The following SORCS1 variants were observed in gnomAD, a reference collection of about 807,000 sequenced individuals.
SORCS1 encodes the protein VPS10 domain-containing receptor SorCS1.
SORCS1 carries 60 observed loss-of-function variants against 146.1 expected under a neutral mutation model. The ratio of observed to expected loss-of-function variants is 0.41; its 90% CI spans 0.33 to 0.51. The LOEUF is 0.51. Ranked by LOEUF, SORCS1 falls within the 20% of genes least tolerant of loss-of-function variation. The probability of loss-of-function intolerance (pLI) is 0.21; values close to 1 mark genes in which losing one functional copy is unlikely to be tolerated. For synonymous variants in SORCS1, 637 were observed against 584.0 expected (o/e 1.09, Z -1.31); for missense variants, 1,352 against 1,487.6 (o/e 0.91, Z 1.50).
intron 1 of SORCS1, among the ~76,000 whole-genome samples, chr10:107,012,976 T>C (rs1957750176): frequency 6.6e-6 from 1 of 152,188 alleles, no homozygotes; most frequent in Non-Finnish European, 1.5e-5. Context: ...ACCTCCTTAA[T>C]GCCACTTCAT....
chr10:107,039,426 C>T (rs139128403), intron 1 of SORCS1, among the ~76,000 whole-genome samples: 1 of 151,862 alleles, frequency 6.6e-6, no homozygotes, highest in East Asian at 1.9e-4. Flanking sequence ...CTTGTCTGTC[C>T]TGTAGAAACT....
At chr10:106,587,115 G>T (rs554496681) in intron 24 of SORCS1, among the ~76,000 whole-genome samples, 1 of 152,190 alleles carries the variant, frequency 6.6e-6, no homozygotes, top group Non-Finnish European at 1.5e-5. Context: ...ATGAAAAGCC[G>T]CTGGGTCTAT....
At chr10:107,144,997 A>C (rs1271670266) in intron 1 of SORCS1, among the ~76,000 whole-genome samples, 3 of 152,232 alleles carry the variant, frequency 2.0e-5, no homozygotes, top group Non-Finnish European at 2.9e-5. Flanking sequence ...AGCCATCAGG[A>C]TGCATGGTGC....
intron 2 of SORCS1, among the ~76,000 whole-genome samples, chr10:106,905,793 T>C (rs1951884432): frequency 6.6e-6 from 1 of 152,204 alleles, no homozygotes; most frequent in Non-Finnish European, 1.5e-5. Flanking sequence ...TGTATGTATA[T>C]CAGAATGATA....
intron 1 of SORCS1, among the ~76,000 whole-genome samples, chr10:106,990,949 G>A (rs925200064): frequency 6.6e-6 from 1 of 152,264 alleles, no homozygotes; most frequent in Non-Finnish European, 1.5e-5. Flanking sequence ...TTATAATGCA[G>A]CTAAAATAAT....
intron 6 of SORCS1, among the ~76,000 whole-genome samples, chr10:106,718,657 C>T (rs1473696640): frequency 6.6e-6 from 1 of 152,216 alleles, no homozygotes; most frequent in Non-Finnish European, 1.5e-5. Context: ...GCTGGGGTGG[C>T]CAGCTTTTAT....
chr10:106,800,119 C>T (rs1589908794), intron 3 of SORCS1, among the ~76,000 whole-genome samples: 3 of 152,114 alleles, frequency 2.0e-5, no homozygotes, highest in East Asian at 1.9e-4. Context: ...GATTTTGATG[C>T]ACTGCTACAG....
intron 1 of SORCS1, among the ~76,000 whole-genome samples, chr10:107,005,279 G>A (rs1053807412): frequency 6.6e-6 from 1 of 150,988 alleles, no homozygotes; most frequent in Non-Finnish European, 1.5e-5. Context: ...AGCTATGATT[G>A]TGCCACTGTA....
In SORCS1 at chr10:106,581,021, C is replaced by T. The variant is rs1025615575; in HGVS notation, c.3266-1547G>A. On this transcript the variant is annotated intron_variant, in intron 24 of 25. Transcript: ENST00000263054. ...TGGGTGGGGTCCCACTGCCGTGGAA[C>T]GCCCAAGGCAAATTTTCTTTTGGTT... Among the ~76,000 whole-genome samples the T allele has an allele frequency of 7.9e-5, 12 of 152,238 alleles. No individual in the cohort carries two copies. The South Asian group carries it at 1.5e-3, about 18-fold the overall frequency.
intron 20 of SORCS1, 131 bp downstream of exon 20, chr10:106,620,297 G>A (rs1847653427): frequency 8.6e-7 from 1 of 1,160,992 alleles, no homozygotes; most frequent in East Asian, 2.6e-5. Context: ...GAGCACCAAG[G>A]GAGCTTGTTG....
intron 2 of SORCS1, among the ~76,000 whole-genome samples, chr10:106,886,897 G>A (rs752027196): frequency 6.6e-6 from 1 of 152,206 alleles, no homozygotes; most frequent in Non-Finnish European, 1.5e-5. Context: ...TATTTATTAA[G>A]CTATCATGTG....
At chr10:106,736,881 A>G (rs1856986155) in intron 5 of SORCS1, among the ~76,000 whole-genome samples, 1 of 152,186 alleles carries the variant, frequency 6.6e-6, no homozygotes. Context: ...ATAGATAAAC[A>G]GACAGATAAA....
At chr10:107,081,423 A>G (rs1451828719) in intron 1 of SORCS1, among the ~76,000 whole-genome samples, 1 of 152,152 alleles carries the variant, frequency 6.6e-6, no homozygotes, top group Non-Finnish European at 1.5e-5. Flanking sequence ...ACTATACTAA[A>G]CCATTGTTGC....
chr10:106,812,486 A>C (rs1031812047), intron 3 of SORCS1, among the ~76,000 whole-genome samples: 4 of 152,222 alleles, frequency 2.6e-5, no homozygotes, highest in Non-Finnish European at 5.9e-5. Flanking sequence ...CACTTAGCTC[A>C]AAAGGCAAAG....
intron 1 of SORCS1, among the ~76,000 whole-genome samples, chr10:106,962,341 G>A (rs1464661013): frequency 8.2e-6 from 1 of 121,622 alleles, no homozygotes; most frequent in African/African-American, 3.3e-5. Flanking sequence ...GTTGTGGTGA[G>A]CCAAATCGCA....
chr10:107,047,916 A>C (rs1959665042), intron 1 of SORCS1, among the ~76,000 whole-genome samples: 1 of 148,600 alleles, frequency 6.7e-6, no homozygotes, highest in South Asian at 2.1e-4. Context: ...CCCTGTCTCT[A>C]AAAAAAAAAT....
chr10:106,583,204 T>G (rs900644845), intron 24 of SORCS1, among the ~76,000 whole-genome samples: 2 of 152,216 alleles, frequency 1.3e-5, no homozygotes, highest in African/African-American at 4.8e-5. Context: ...GTCATATTAT[T>G]GCTATCATAT....
intron 4 of SORCS1, among the ~76,000 whole-genome samples, chr10:106,770,966 C>T (rs144645159): frequency 2.4e-3 from 360 of 152,346 alleles, no homozygotes; most frequent in Non-Finnish European, 4.6e-3. Context: ...CCTTCCTGCT[C>T]CTGGTAAGGG....
chr10:107,009,644 T>C (rs1017766061), intron 1 of SORCS1, among the ~76,000 whole-genome samples: 1 of 152,234 alleles, frequency 6.6e-6, no homozygotes, highest in Non-Finnish European at 1.5e-5. Flanking sequence ...TTCTGTTTCA[T>C]GTAGTTGCTG....
Sources: gnomAD v4.1 joint callset for allele counts (sites outside exome capture counted in the v4.1 genomes callset) on GRCh38, gnomAD v4.1.1 for gene constraint, MANE v1.5 for transcripts, NCBI Gene and HGNC (gene_info 2026-07-23, HGNC 2026-07-21) for gene names.